FGGY: variants seen among roughly 807,000 people sequenced by gnomAD.
FGGY encodes the protein FGGY carbohydrate kinase domain-containing protein.
A neutral mutation model predicts 71.3 loss-of-function variants in FGGY; 72 were observed. The ratio of observed to expected loss-of-function variants is 1.01; its 90% CI spans 0.84 to 1.23. FGGY has a LOEUF of 1.23. Among genes scored for constraint, FGGY ranks in the 50% most tolerant of loss-of-function variants. The pLI is 0.00. For synonymous variants in FGGY, 251 were observed against 250.3 expected (o/e 1.00, Z -0.02); for missense variants, 668 against 682.3 (o/e 0.98, Z 0.23).
At chr1:59,315,231 A>G (rs752617687) in intron 1 of FGGY, among the ~76,000 whole-genome samples, 7 of 151,858 alleles carry the variant, frequency 4.6e-5, no homozygotes, top group Non-Finnish European at 1.0e-4. Context: ...GGGCAGGAAG[A>G]ATTTAGTGGA....
In FGGY at chr1:59,388,055, G is replaced by A. The variant is rs143760055; in HGVS notation, c.554+9218G>A. On this transcript the variant is annotated intron_variant, in intron 5 of 15. Transcript: ENST00000303721. ...CAGAAAATACTCTTTAGCCTCTAGTGTATAGAACTTCTAATATACTAGATG... is the reference window on the plus strand; with the variant it reads ...CAGAAAATACTCTTTAGCCTCTAGTATATAGAACTTCTAATATACTAGATG... Among the ~76,000 whole-genome samples the A allele has an allele frequency of 3.2e-3, 481 of 152,194 alleles. 5 individuals carry two copies. The highest frequency in any genetic ancestry group is 0.01 in the African/African-American group (430 of 41,514).
chr1:59,386,834 C>T (rs940045789), intron 5 of FGGY, among the ~76,000 whole-genome samples: 7 of 152,006 alleles, frequency 4.6e-5, no homozygotes, highest in Non-Finnish European at 2.9e-5. Context: ...TATGCGAAAA[C>T]GGTTGAATTT....
At chr1:59,590,015 G>T (rs139518817) in intron 8 of FGGY, among the ~76,000 whole-genome samples, 8,048 of 151,914 alleles carry the variant, frequency 0.053, 417 homozygotes, top group African/African-American at 0.14. Flanking sequence ...TTTTTGAAAG[G>T]ATCAACAAAA....
At chr1:59,415,098 G>C (rs368627743) in intron 5 of FGGY, among the ~76,000 whole-genome samples, 18 of 152,264 alleles carry the variant, frequency 1.2e-4, no homozygotes, top group African/African-American at 4.3e-4. Flanking sequence ...ACTCGCTAAC[G>C]GAGTTACCCT....
chr1:59,630,042 C>A (rs2096894184), intron 10 of FGGY, among the ~76,000 whole-genome samples: 1 of 152,114 alleles, frequency 6.6e-6, no homozygotes, highest in African/African-American at 2.4e-5. Flanking sequence ...AGGAAACTTA[C>A]AGTCATGGTG....
At chr1:59,632,281 G>A (rs2096915246) in intron 10 of FGGY, among the ~76,000 whole-genome samples, 1 of 152,102 alleles carries the variant, frequency 6.6e-6, no homozygotes, top group South Asian at 2.1e-4. Flanking sequence ...AAGGAAAATT[G>A]TAGATAAATA....
intron 7 of FGGY, among the ~76,000 whole-genome samples, chr1:59,535,539 GCACCA>G (rs1340871922): frequency 6.6e-6 from 1 of 151,948 alleles, no homozygotes; most frequent in African/African-American, 2.4e-5. Context: ...ATTTTTTTCA[GCACCA>G]CACCACACCT....
At chr1:59,400,837 T>A (rs2061867809) in intron 5 of FGGY, among the ~76,000 whole-genome samples, 1 of 152,114 alleles carries the variant, frequency 6.6e-6, no homozygotes, top group Admixed American at 6.5e-5. Context: ...AGTGGCGTGA[T>A]CATGGCTCAC....
chr1:59,696,252 A>C (rs367688631), intron 14 of FGGY, among the ~76,000 whole-genome samples: 1 of 152,224 alleles, frequency 6.6e-6, no homozygotes, highest in African/African-American at 2.4e-5. Flanking sequence ...GTCCTGGTTT[A>C]TAGACACCCT....
intron 8 of FGGY, among the ~76,000 whole-genome samples, chr1:59,557,855 G>A (rs529491610): frequency 6.6e-6 from 1 of 152,212 alleles, no homozygotes; most frequent in Admixed American, 6.5e-5. Context: ...AGGACCCTGG[G>A]GGGGTCGGGG....
chr1:59,330,658 G>A (rs989783946), intron 2 of FGGY, among the ~76,000 whole-genome samples: 1 of 152,104 alleles, frequency 6.6e-6, no homozygotes, highest in Admixed American at 6.5e-5. Flanking sequence ...GGCAAAAAGT[G>A]ACTCTTGAAC....
At chr1:59,419,645 A>T (rs1181020975) in intron 5 of FGGY, among the ~76,000 whole-genome samples, 2 of 152,150 alleles carry the variant, frequency 1.3e-5, no homozygotes, top group East Asian at 3.9e-4. Flanking sequence ...TAGTGAACTT[A>T]TTCTCCGTGG....
intron 5 of FGGY, among the ~76,000 whole-genome samples, chr1:59,390,293 T>G (rs2060539860): frequency 6.6e-6 from 1 of 152,174 alleles, no homozygotes. Context: ...ACATAAGGGC[T>G]CATTCTTTCC....
intron 8 of FGGY, among the ~76,000 whole-genome samples, chr1:59,557,917 A>G (rs544862971): frequency 1.3e-5 from 2 of 152,268 alleles, no homozygotes; most frequent in East Asian, 3.9e-4. Flanking sequence ...ACCTGAAGAG[A>G]GCTGGGAACT....
At chr1:59,691,137 C>T (rs993938236) in intron 14 of FGGY, among the ~76,000 whole-genome samples, 1 of 152,250 alleles carries the variant, frequency 6.6e-6, no homozygotes, top group Non-Finnish European at 1.5e-5. Flanking sequence ...ATCACACCCT[C>T]TTTCCCCACT....
intron 1 of FGGY, among the ~76,000 whole-genome samples, chr1:59,307,138 A>C (rs1260646423): frequency 4.0e-5 from 6 of 151,834 alleles, no homozygotes; most frequent in African/African-American, 1.5e-4. Flanking sequence ...AACATGGCAA[A>C]ACACCATCTC....
intron 2 of FGGY, among the ~76,000 whole-genome samples, chr1:59,331,466 T>TC (rs1418188292): frequency 6.6e-6 from 1 of 152,112 alleles, no homozygotes; most frequent in Non-Finnish European, 1.5e-5. Context: ...ACCTCTGCGC[T>TC]CGCTGTTCCC....
At chr1:59,430,622 C>G (rs571715675) in intron 5 of FGGY, among the ~76,000 whole-genome samples, 3 of 152,212 alleles carry the variant, frequency 2.0e-5, no homozygotes, top group Non-Finnish European at 4.4e-5. Context: ...CCTCTATTCC[C>G]TAGTATGTAG....
At chr1:59,569,766 A>G (rs1048207762) in intron 8 of FGGY, among the ~76,000 whole-genome samples, 6 of 152,202 alleles carry the variant, frequency 3.9e-5, no homozygotes, top group Non-Finnish European at 7.3e-5. Context: ...GATGCTCAGA[A>G]TAACTAAGTG....
Sources: allele counts gnomAD v4.1 joint callset (sites outside exome capture counted in the v4.1 genomes callset), GRCh38; gene constraint gnomAD v4.1.1; transcripts MANE v1.5; gene names NCBI Gene and HGNC (gene_info 2026-07-23, HGNC 2026-07-21).